CSMD1: variants seen among roughly 807,000 people sequenced by gnomAD.
CSMD1 encodes CUB and sushi domain-containing protein 1.
In CSMD1, 213 loss-of-function variants were observed where a neutral mutation model predicts 417.5. The observed-to-expected ratio is 0.51, with a 90% confidence interval of 0.46 to 0.57. The LOEUF is 0.57. Among genes scored for constraint, CSMD1 ranks in the 20% least tolerant of loss-of-function variants. CSMD1 has a pLI of 0.00. For synonymous variants in CSMD1, 2,862 were observed against 1,736.8 expected, an observed-to-expected ratio of 1.65 and a Z score of -16.11; for missense variants, 6,923 against 4,529.7, an observed-to-expected ratio of 1.53 and a Z score of -15.17.
At chr8:4,355,355 T>C (rs914247733) in intron 3 of CSMD1, among the ~76,000 whole-genome samples, 10 of 151,724 alleles carry the variant, frequency 6.6e-5, no homozygotes, top group Non-Finnish European at 1.3e-4. Flanking sequence ...ATGATATATA[T>C]ACACACACAC....
chr8:4,191,657 T>G (rs1432146200), intron 3 of CSMD1, among the ~76,000 whole-genome samples: 1 of 151,510 alleles, frequency 6.6e-6, no homozygotes, highest in African/African-American at 2.4e-5. Flanking sequence ...AAAAGCCATA[T>G]GTAAAATTCA....
intron 6 of CSMD1, among the ~76,000 whole-genome samples, chr8:3,751,027 C>G (rs73187301): frequency 0.026 from 3,991 of 152,174 alleles, 75 homozygotes; most frequent in Non-Finnish European, 0.039. Flanking sequence ...AGGGTGGTGT[C>G]TAGTACTGAA....
intron 1 of CSMD1, among the ~76,000 whole-genome samples, chr8:4,748,568 G>A (rs559092085): frequency 7.4e-4 from 112 of 152,190 alleles, no homozygotes; most frequent in African/African-American, 2.6e-3. Flanking sequence ...AGGATTATTG[G>A]GTTCAGCATT....
chr8:3,292,254 G>T (rs1200114789), intron 25 of CSMD1, among the ~76,000 whole-genome samples: 1 of 152,164 alleles, frequency 6.6e-6, no homozygotes, highest in Non-Finnish European at 1.5e-5. Context: ...CAACTATGTG[G>T]TCAGTTTTGG....
chr8:3,742,982 T>C (rs1211259939), intron 6 of CSMD1, among the ~76,000 whole-genome samples: 1 of 152,132 alleles, frequency 6.6e-6, no homozygotes, highest in Non-Finnish European at 1.5e-5. Context: ...ACACAACTAG[T>C]GGAAGCAGTA....
intron 5 of CSMD1, among the ~76,000 whole-genome samples, chr8:3,973,976 T>G (rs1268108509): frequency 6.6e-6 from 1 of 152,212 alleles, no homozygotes; most frequent in Non-Finnish European, 1.5e-5. Flanking sequence ...CTCAAGCATT[T>G]ATCCATTGAG....
chr8:3,531,954 G>T (rs756362505), intron 10 of CSMD1, among the ~76,000 whole-genome samples: 1 of 152,140 alleles, frequency 6.6e-6, no homozygotes, highest in African/African-American at 2.4e-5. Context: ...GGACCCACCT[G>T]CAAAATAAAA....
intron 3 of CSMD1, among the ~76,000 whole-genome samples, chr8:4,060,937 G>C (rs888316102): frequency 6.6e-6 from 1 of 152,138 alleles, no homozygotes; most frequent in African/African-American, 2.4e-5. Context: ...AACCAACATA[G>C]AAGCTTCTCA....
Position 3,894,155 on chromosome 8 carries a change from T to C in CSMD1, c.818+103748A>G, listed in dbSNP as rs1378987176. Among the ~76,000 whole-genome samples the C allele has an allele frequency of 3.3e-5, 5 of 152,222 alleles. No individual in the cohort carries two copies. The East Asian group carries it at 9.6e-4, about 29-fold the overall frequency. The stretch of plus-strand genomic sequence containing the variant: ...ATTCTTTTTCCTTTGCAAAAACTAC[T>C]CTATGCTACACTTCTTTTGCTGTGT... On this transcript the variant is annotated intron_variant, in intron 5 of 69. Coordinates refer to ENST00000635120, the MANE Select transcript of CSMD1 (RefSeq NM_033225.6).
At chr8:3,422,058 T>G (rs909815021) in intron 12 of CSMD1, among the ~76,000 whole-genome samples, 3 of 147,686 alleles carry the variant, frequency 2.0e-5, no homozygotes, top group Non-Finnish European at 2.9e-5. Flanking sequence ...AGCCCTGATG[T>G]CCTAGCGTGG....
chr8:4,352,410 C>G (rs776602592), intron 3 of CSMD1, among the ~76,000 whole-genome samples: 6 of 152,064 alleles, frequency 3.9e-5, no homozygotes, highest in African/African-American at 7.2e-5. Context: ...AATGAGAACA[C>G]CAGTATAAAT....
chr8:4,252,413 G>A (rs1289462996), intron 3 of CSMD1, among the ~76,000 whole-genome samples: 3 of 152,214 alleles, frequency 2.0e-5, no homozygotes, highest in Non-Finnish European at 4.4e-5. Flanking sequence ...AACAAAAACT[G>A]AGACTTGGGA....
At position 4,038,186 on chromosome 8, in the gene CSMD1, A is replaced by G. The variant is rs530627239; in HGVS notation, c.416-6087T>C. Reference sequence around the variant, plus strand: ...TATGATTTAGGGATTGGGGATTTTTATCTTCAACAAATTTTCTTTTTAAAA... The same window carrying G: ...TATGATTTAGGGATTGGGGATTTTTGTCTTCAACAAATTTTCTTTTTAAAA... On this transcript the variant is annotated intron_variant, in intron 3 of 69. Transcript: ENST00000635120. Among the ~76,000 whole-genome samples the G allele has an allele frequency of 2.0e-5, 3 of 152,274 alleles. No individual in the cohort carries two copies. In the East Asian group the frequency reaches 5.8e-4, roughly 29 times the overall value.
At chr8:4,076,714 T>G (rs1413315559) in intron 3 of CSMD1, among the ~76,000 whole-genome samples, 1 of 152,204 alleles carries the variant, frequency 6.6e-6, no homozygotes, top group Non-Finnish European at 1.5e-5. Flanking sequence ...TCACTGCTAC[T>G]CATCTCTGGC....
chr8:4,216,869 C>G (rs560385350), intron 3 of CSMD1, among the ~76,000 whole-genome samples: 3 of 152,314 alleles, frequency 2.0e-5, no homozygotes, highest in African/African-American at 7.2e-5. Flanking sequence ...GCTTGACAGT[C>G]TCCCTTTTTT....
At chr8:3,768,877 C>G (rs558850532) in intron 5 of CSMD1, among the ~76,000 whole-genome samples, 11 of 152,294 alleles carry the variant, frequency 7.2e-5, no homozygotes, top group Non-Finnish European at 5.9e-5. Flanking sequence ...AATGTCCATC[C>G]TAGAGCACCA....
At position 4,503,103 on chromosome 8, in the gene CSMD1, G is replaced by C. The variant is rs374809904; in HGVS notation, c.303-83038C>G. Among the ~76,000 whole-genome samples the C allele has an allele frequency of 2.0e-4, 30 of 152,276 alleles. 1 individual carries two copies. The East Asian group carries it at 4.1e-3, about 21-fold the overall frequency. On this transcript the variant is annotated intron_variant, in intron 2 of 69. Coordinates refer to ENST00000635120, the MANE Select transcript of CSMD1 (RefSeq NM_033225.6). ...ATAAATGAACAAGAACTGTGAATTTGAATCTTAGAGAACTATGTGTAATGG... is the reference window on the plus strand; with the variant it reads ...ATAAATGAACAAGAACTGTGAATTTCAATCTTAGAGAACTATGTGTAATGG...
rs569084248 is a variant in CSMD1 at position 4,406,432 on chromosome 8, C to A, written c.415+13521G>T. On this transcript the variant is annotated intron_variant, in intron 3 of 69. Coordinates refer to ENST00000635120, the MANE Select transcript of CSMD1 (RefSeq NM_033225.6). ...CCTCATAAAAATGATACCCCAAGAG[C>A]CACAAATTTCAAATTTCTGATAAAT... 1.1e-4 allele frequency among the ~76,000 whole-genome samples: 17 copies of A among 152,262 alleles called. 1 individual carries two copies. Among genetic ancestry groups the A allele is most frequent in the Admixed American group, 1.1e-3 (17 of 15,292 alleles).
chr8:3,923,669 T>A (rs965769947), intron 5 of CSMD1, among the ~76,000 whole-genome samples: 13 of 152,176 alleles, frequency 8.5e-5, no homozygotes, highest in Non-Finnish European at 1.6e-4. Context: ...ATATAATACA[T>A]TCTTTTTATC....
Sources: allele counts gnomAD v4.1 joint callset (sites outside exome capture counted in the v4.1 genomes callset), GRCh38; gene constraint gnomAD v4.1.1; transcripts MANE v1.5; gene names NCBI Gene and HGNC (gene_info 2026-07-23, HGNC 2026-07-21).